PPP3R1: variants seen among roughly 807,000 people sequenced by gnomAD.
PPP3R1 encodes the protein protein phosphatase 3 regulatory subunit B, alpha, also known as calcineurin subunit B type 1.
In PPP3R1, 5 loss-of-function variants were observed where a neutral mutation model predicts 22.6. The ratio of observed to expected loss-of-function variants is 0.22; its 90% CI spans 0.12 to 0.46. The LOEUF (loss-of-function observed/expected upper bound fraction) is 0.46. Ranked by LOEUF, PPP3R1 falls within the 20% of genes least tolerant of loss-of-function variation. The pLI is 0.99. For missense variants in PPP3R1, 61 were observed against 203.2 expected (o/e 0.30, Z 4.25); for synonymous variants, 56 against 65.2 (o/e 0.86, Z 0.68).
chr2:68,205,107 A>G (rs1417790841), intron 2 of PPP3R1, among the ~76,000 whole-genome samples: 1 of 152,182 alleles, frequency 6.6e-6, no homozygotes, highest in Non-Finnish European at 1.5e-5. Flanking sequence ...GTTTGAAAAA[A>G]GAGTATAATG....
chr2:68,203,437 A>G (rs1675029127), intron 2 of PPP3R1, among the ~76,000 whole-genome samples: 1 of 152,124 alleles, frequency 6.6e-6, no homozygotes, highest in Non-Finnish European at 1.5e-5. Flanking sequence ...CCTTGTCTCT[A>G]ATACAAATAC....
At chr2:68,197,257 C>T (rs2103736384) in intron 2 of PPP3R1, among the ~76,000 whole-genome samples, 1 of 152,256 alleles carries the variant, frequency 6.6e-6, no homozygotes, top group South Asian at 2.1e-4. Flanking sequence ...TAACTAAATT[C>T]TATCTAGAAT....
chr2:68,216,477 T>TTA (rs1459869753), intron 2 of PPP3R1, among the ~76,000 whole-genome samples: 3 of 150,038 alleles, frequency 2.0e-5, no homozygotes, highest in African/African-American at 7.3e-5. Context: ...AATTAAAAAT[T>TTA]AAAAAAAAAA....
At chr2:68,251,157 C>G (rs1670341245) in intron 1 of PPP3R1, 2 of 152,184 alleles carry the variant, frequency 1.3e-5, no homozygotes, top group Admixed American at 6.5e-5. Flanking sequence ...CTAGGGCTTC[C>G]CCGAGCGAGA....
chr2:68,220,442 C>T (rs888546091), intron 1 of PPP3R1, among the ~76,000 whole-genome samples: 3 of 152,168 alleles, frequency 2.0e-5, no homozygotes, highest in African/African-American at 7.2e-5. Context: ...TTCATGATCC[C>T]ATGGGCCAAA....
chr2:68,202,088 CTT>C (rs996194660), intron 2 of PPP3R1, among the ~76,000 whole-genome samples: 9 of 152,210 alleles, frequency 5.9e-5, no homozygotes, highest in Non-Finnish European at 1.3e-4. Context: ...CCTGAAATTT[CTT>C]TCAGTCAGAC....
chr2:68,188,516 T>C lies in PPP3R1; in HGVS notation c.218A>G (p.Lys73Arg). Reference protein sequence around the residue: ...DTDGNGEVDFKEFIEGVSQFS... With the variant: ...DTDGNGEVDFREFIEGVSQFS... Reference sequence around the variant, plus strand: ...ATAAAAAATAACTACTTTCTTACCTTTAAAGTCTACTTCTCCATTCCCATC... The same window carrying C: ...ATAAAAAATAACTACTTTCTTACCTCTAAAGTCTACTTCTCCATTCCCATC... The change falls in exon 3 of 6, where the codon AAA (lysine) becomes AGA (arginine). Residue 73 changes from lysine to arginine, a missense_variant and splice_region_variant. Coordinates refer to ENST00000234310, the MANE Select transcript of PPP3R1 (RefSeq NM_000945.4). 1 of 1,593,240 alleles carries C rather than the reference T, an allele frequency of 6.3e-7. No individual in the cohort carries two copies. The highest frequency in any genetic ancestry group is 1.1e-5 in the South Asian group (1 of 87,174).
chr2:68,231,121 T>C (rs1669887830), intron 1 of PPP3R1, among the ~76,000 whole-genome samples: 1 of 152,162 alleles, frequency 6.6e-6, no homozygotes, highest in African/African-American at 2.4e-5. Flanking sequence ...ACGACACAAG[T>C]GTTAAATCTT....
rs555459823 is a variant in PPP3R1, at chr2:68,223,860, C to T, written c.4-6729G>A. 1.0e-3 allele frequency among the ~76,000 whole-genome samples: 151 copies of T among 150,162 alleles called. 1 individual carries two copies. Among genetic ancestry groups the T allele is most frequent in the African/African-American group, 3.4e-3 (140 of 41,048 alleles). On this transcript the variant is annotated intron_variant, in intron 1 of 5. Transcript: ENST00000234310. ...GATTGGAAAGGAATAAACTGCCTTTCGTTGCAGATGACATAATTGTGTATG... is the reference window on the plus strand; with the variant it reads ...GATTGGAAAGGAATAAACTGCCTTTTGTTGCAGATGACATAATTGTGTATG...
chr2:68,235,148 G>A (rs1284527156), intron 1 of PPP3R1, among the ~76,000 whole-genome samples: 3 of 152,202 alleles, frequency 2.0e-5, no homozygotes, highest in Admixed American at 6.5e-5. Flanking sequence ...AATCTATTAT[G>A]GGTCAGCAAG....
At chr2:68,239,680 A>G (rs376639076) in intron 1 of PPP3R1, among the ~76,000 whole-genome samples, 5 of 152,330 alleles carry the variant, frequency 3.3e-5, no homozygotes, top group East Asian at 1.9e-4. Flanking sequence ...GGTGGGGGGA[A>G]AAAACAAGGA....
chr2:68,234,305 T>C (rs1669975418), intron 1 of PPP3R1, among the ~76,000 whole-genome samples: 1 of 151,228 alleles, frequency 6.6e-6, no homozygotes, highest in Non-Finnish European at 1.5e-5. Flanking sequence ...ATTGTGCCAC[T>C]GCACTCCAGC....
chr2:68,247,645 T>TC (rs1156941481), intron 1 of PPP3R1, among the ~76,000 whole-genome samples: 2 of 152,210 alleles, frequency 1.3e-5, no homozygotes, highest in Non-Finnish European at 2.9e-5. Context: ...GGAACAGTAT[T>TC]CCCCATGTAT....
At chr2:68,228,259 A>T (rs1030222312) in intron 1 of PPP3R1, among the ~76,000 whole-genome samples, 2 of 152,170 alleles carry the variant, frequency 1.3e-5, no homozygotes, top group African/African-American at 2.4e-5. Flanking sequence ...TATGGTGTAT[A>T]ATCTTTTAAA....
intron 1 of PPP3R1, among the ~76,000 whole-genome samples, chr2:68,235,554 T>C (rs373027499): frequency 5.3e-5 from 8 of 152,358 alleles, no homozygotes; most frequent in East Asian, 3.9e-4. Context: ...TTCTTTTTAC[T>C]AATGAACATT....
At chr2:68,232,096 TAAA>T (rs750643360) in intron 1 of PPP3R1, among the ~76,000 whole-genome samples, 766 of 73,894 alleles carry the variant, frequency 0.01, 16 homozygotes, top group African/African-American at 0.038. Flanking sequence ...CCGTATCTAC[TAAA>T]AAAAAAAAAA....
intron 2 of PPP3R1, among the ~76,000 whole-genome samples, chr2:68,213,372 G>A (rs987242541): frequency 6.6e-6 from 1 of 152,114 alleles, no homozygotes; most frequent in Non-Finnish European, 1.5e-5. Flanking sequence ...TTTCAATACT[G>A]TTGTCTTAGG....
chr2:68,183,532 T>G (rs1343096919), intron 5 of PPP3R1, among the ~76,000 whole-genome samples: 4 of 152,222 alleles, frequency 2.6e-5, no homozygotes, highest in African/African-American at 9.6e-5. Context: ...TTTGATTATT[T>G]ATTTCCCTCC....
chr2:68,199,403 G>A (rs1035660787), intron 2 of PPP3R1, among the ~76,000 whole-genome samples: 2 of 152,072 alleles, frequency 1.3e-5, no homozygotes, highest in African/African-American at 4.8e-5. Context: ...CATGTCATCT[G>A]GGAATAAAAA....
Sources: allele counts gnomAD v4.1 joint callset (sites outside exome capture counted in the v4.1 genomes callset), GRCh38; gene constraint gnomAD v4.1.1; transcripts MANE v1.5; gene names NCBI Gene and HGNC (gene_info 2026-07-23, HGNC 2026-07-21).